The following SCN9A variants were observed in gnomAD, a reference collection of about 807,000 sequenced individuals.
The protein encoded by SCN9A is sodium channel protein type 9 subunit alpha.
Under a neutral mutation model 187.0 loss-of-function variants are expected in SCN9A, and 131 were observed. The ratio of observed to expected loss-of-function variants is 0.70; its 90% CI spans 0.61 to 0.81. SCN9A has a LOEUF of 0.81. Ranked by LOEUF, SCN9A falls within the 30% of genes least tolerant of loss-of-function variation. The pLI, the probability that SCN9A is intolerant of heterozygous loss-of-function variation, is 0.00. For missense variants in SCN9A, 2,252 were observed against 2,396.6 expected (o/e 0.94, Z 1.26); for synonymous variants, 809 against 808.6 (o/e 1.00, Z -0.01).
rs976620881 is a variant in SCN9A, at chr2:166,199,689, C to A, written c.4950G>T (p.Leu1650=). The part of the protein sequence containing the change: ...SLPALFNIGL[L]LFLVMFIYAI... ...CGTAGATGAACATGACCAGGAAGAG[C>A]AGGAGGCCGATGTTAAACAACGCAG... Residue 1650 remains leucine (L), a synonymous_variant, in exon 27 of 27, where the codon CTG becomes CTT. Coordinates refer to ENST00000642356, the MANE Select transcript of SCN9A (RefSeq NM_001365536.1). 1 of 1,614,124 alleles carries A rather than the reference C, an allele frequency of 6.2e-7. No individual in the cohort carries two copies. Among genetic ancestry groups the A allele is most frequent in the Non-Finnish European group, 8.5e-7 (1 of 1,180,030 alleles).
chr2:166,303,236 G>T lies in SCN9A; in HGVS notation c.755C>A (p.Thr252Asn). The T allele has an allele frequency of 6.2e-7, 1 of 1,613,686 alleles. No homozygotes were observed. Among genetic ancestry groups the T allele is most frequent in the Non-Finnish European group, 8.5e-7 (1 of 1,179,732 alleles). Residue 252 changes from threonine to asparagine, a missense_variant, in exon 7 of 27, where the codon ACT (threonine) becomes AAT (asparagine). Coordinates refer to ENST00000642356, the MANE Select transcript of SCN9A (RefSeq NM_001365536.1). Reference protein sequence around the residue: ...VKKLSDVMILTVFCLSVFALI... With the variant: ...VKKLSDVMILNVFCLSVFALI... ...TGCAAACACACTCAGACAGAACACA[G>T]TCAGGATCATGACATCAGAAAGCTT...
intron 17 of SCN9A, among the ~76,000 whole-genome samples, chr2:166,271,864 T>A (rs1558997642): frequency 6.6e-6 from 1 of 150,428 alleles, no homozygotes; most frequent in Non-Finnish European, 1.5e-5. Context: ...CTCCGTTTTT[T>A]AAAAAAAAGA....
chr2:166,313,285 T>G (rs1033972603), intron 1 of SCN9A, among the ~76,000 whole-genome samples: 8 of 152,158 alleles, frequency 5.3e-5, no homozygotes, highest in African/African-American at 1.9e-4. Context: ...TCGTTGAAGC[T>G]TTGAAGCCAG....
intron 1 of SCN9A, among the ~76,000 whole-genome samples, chr2:166,353,469 G>C (rs1016429924): frequency 6.6e-6 from 1 of 152,132 alleles, no homozygotes; most frequent in Non-Finnish European, 1.5e-5. Context: ...TTACTAACCT[G>C]ATGCTGACAG....
At chr2:166,358,323 G>A (rs1376584144) in intron 1 of SCN9A, among the ~76,000 whole-genome samples, 1 of 152,042 alleles carries the variant, frequency 6.6e-6, no homozygotes, top group Admixed American at 6.6e-5. Flanking sequence ...ACCCATCTCA[G>A]CTTCCCAAAG....
intron 20 of SCN9A, 72 bp from the exon 21 acceptor site, chr2:166,233,534 A>G: frequency 6.4e-6 from 8 of 1,248,814 alleles, no homozygotes; most frequent in Non-Finnish European, 8.7e-6. Flanking sequence ...TCAATTCTGA[A>G]ACTCACTAAA....
At chr2:166,348,963 T>TA (rs986678420) in intron 1 of SCN9A, among the ~76,000 whole-genome samples, 19 of 151,634 alleles carry the variant, frequency 1.3e-4, no homozygotes, top group Non-Finnish European at 2.2e-4. Flanking sequence ...CCATCTCTAC[T>TA]AAAAAAAATA....
At chr2:166,209,965 C>T (rs1694006632) in intron 24 of SCN9A, among the ~76,000 whole-genome samples, 1 of 151,994 alleles carries the variant, frequency 6.6e-6, no homozygotes, top group Non-Finnish European at 1.5e-5. Context: ...GGGTATATAC[C>T]CAAAGGATTA....
chr2:166,237,109 A>C (rs2106401547), intron 20 of SCN9A, among the ~76,000 whole-genome samples: 1 of 152,146 alleles, frequency 6.6e-6, no homozygotes, highest in South Asian at 2.1e-4. Flanking sequence ...GAGAAAAATA[A>C]GACTGGGAGA....
At chr2:166,270,710 C>T (rs1213030215) in intron 17 of SCN9A, among the ~76,000 whole-genome samples, 4 of 150,894 alleles carry the variant, frequency 2.7e-5, no homozygotes, top group Admixed American at 6.7e-5. Flanking sequence ...CTGCAACCTC[C>T]GCCTCTGGAG....
At chr2:166,360,987 A>G (rs572015044) in intron 1 of SCN9A, among the ~76,000 whole-genome samples, 2 of 152,284 alleles carry the variant, frequency 1.3e-5, no homozygotes, top group Non-Finnish European at 2.9e-5. Context: ...TGTTAAATTC[A>G]TGGCTCCAGA....
intron 24 of SCN9A, 100 bp from the exon 25 acceptor site, chr2:166,204,564 A>G: frequency 3.1e-6 from 2 of 641,238 alleles, no homozygotes; most frequent in Non-Finnish European, 5.1e-6. Flanking sequence ...TAATATAGAA[A>G]TAAAATGTAT....
At chr2:166,304,504 A>T (rs536000213) in intron 5 of SCN9A, among the ~76,000 whole-genome samples, 175 bp from the exon 6 acceptor site, 1 of 152,222 alleles carries the variant, frequency 6.6e-6, no homozygotes, top group South Asian at 2.1e-4. Context: ...GACTCATTTG[A>T]TGCAAACAAA....
At chr2:166,369,737 C>G (rs1540876) in intron 1 of SCN9A, among the ~76,000 whole-genome samples, 46,216 of 152,032 alleles carry the variant, frequency 0.3, 9,689 homozygotes, top group African/African-American at 0.6. Context: ...TCAAAATGTC[C>G]TCAATAAATT....
chr2:166,374,694 A>C (rs981018932), intron 1 of SCN9A, among the ~76,000 whole-genome samples: 21 of 152,238 alleles, frequency 1.4e-4, no homozygotes, highest in African/African-American at 5.1e-4. Context: ...TATCTTGTCT[A>C]CAGGGAAGAA....
chr2:166,274,884 T>C (rs1402306491), intron 16 of SCN9A, among the ~76,000 whole-genome samples: 1 of 152,202 alleles, frequency 6.6e-6, no homozygotes, highest in Admixed American at 6.6e-5. Flanking sequence ...AGTCTCAATC[T>C]AGAACTCTTT....
chr2:166,220,678 A>C (rs1694545462), intron 24 of SCN9A, among the ~76,000 whole-genome samples: 1 of 152,216 alleles, frequency 6.6e-6, no homozygotes, highest in South Asian at 2.1e-4. Context: ...TCATGATAAC[A>C]AAGACTACTT....
chr2:166,305,742 T>C (rs1267239490), intron 5 of SCN9A, 50 bp downstream of exon 5: 1 of 1,611,808 alleles, frequency 6.2e-7, no homozygotes, highest in Admixed American at 1.7e-5. Context: ...AACACTGTGC[T>C]GCCTGAGATT....
intron 19 of SCN9A, among the ~76,000 whole-genome samples, chr2:166,240,064 G>T (rs1245161720): frequency 2.6e-5 from 4 of 152,132 alleles, no homozygotes; most frequent in Non-Finnish European, 4.4e-5. Context: ...TGGTGACTTT[G>T]ATTTTAGATG....
Sources: allele counts gnomAD v4.1 joint callset (sites outside exome capture counted in the v4.1 genomes callset), GRCh38; gene constraint gnomAD v4.1.1; transcripts MANE v1.5; gene names NCBI Gene and HGNC (gene_info 2026-07-23, HGNC 2026-07-21).